The following CIMAP3 variants were observed in gnomAD, a reference collection of about 807,000 sequenced individuals.
CIMAP3 encodes ciliary microtubule associated protein 3, also known as ciliary microtubule-associated protein 3.
the CIMAP3 span, chr1:111,348,281 T>A: frequency 3.1e-6 from 1 of 327,718 alleles, no homozygotes; most frequent in African/African-American, 2.1e-5. Context: ...CTTGGTTCTC[T>A]ACCCATCCTA....
the CIMAP3 span, among the ~76,000 whole-genome samples, chr1:111,336,581 T>C: frequency 1.3e-5 from 2 of 152,122 alleles, no homozygotes; most frequent in African/African-American, 2.4e-5. Flanking sequence ...TGCAATCAAC[T>C]AGAAGAAAGG....
At chr1:111,345,828 C>CT in the CIMAP3 span, among the ~76,000 whole-genome samples, 1 of 152,122 alleles carries the variant, frequency 6.6e-6, no homozygotes, top group Admixed American at 6.6e-5. Flanking sequence ...ACACTCTGAT[C>CT]TTTTTTTCTT....
the CIMAP3 span, among the ~76,000 whole-genome samples, chr1:111,350,622 G>A: frequency 5.3e-5 from 8 of 152,274 alleles, no homozygotes; most frequent in African/African-American, 1.7e-4. Context: ...TCACTGAGGA[G>A]CCATAGAGAA....
the CIMAP3 span, chr1:111,346,562 C>A: frequency 2.5e-6 from 4 of 1,598,046 alleles, no homozygotes; most frequent in Middle Eastern, 1.9e-4. Context: ...GGGCCCTCTC[C>A]CCCTCCCCGC....
chr1:111,326,680 G>A, the CIMAP3 span, among the ~76,000 whole-genome samples: 1 of 152,000 alleles, frequency 6.6e-6, no homozygotes, highest in Non-Finnish European at 1.5e-5. Flanking sequence ...GTTTTCCATA[G>A]TAGTTATAAT....
the CIMAP3 span, among the ~76,000 whole-genome samples, chr1:111,331,383 CTAATTCT>C: frequency 6.6e-6 from 1 of 152,100 alleles, no homozygotes; most frequent in Non-Finnish European, 1.5e-5. Context: ...TTCATTCTTT[CTAATTCT>C]TTCTTCTTTT....
At chr1:111,340,266 T>C in the CIMAP3 span, among the ~76,000 whole-genome samples, 1 of 151,624 alleles carries the variant, frequency 6.6e-6, no homozygotes, top group Admixed American at 6.6e-5. Flanking sequence ...GAAGAAAACC[T>C]AGGCATTACC....
chr1:111,332,334 A>G, the CIMAP3 span, among the ~76,000 whole-genome samples: 55 of 152,266 alleles, frequency 3.6e-4, no homozygotes, highest in Admixed American at 7.2e-4. Flanking sequence ...CCCTAAGGCC[A>G]TGTTTGTCAT....
At chr1:111,333,818 G>C in the CIMAP3 span, among the ~76,000 whole-genome samples, 1 of 152,130 alleles carries the variant, frequency 6.6e-6, no homozygotes, top group Non-Finnish European at 1.5e-5. Flanking sequence ...CTTCTTTTGG[G>C]GAGTGTCAGA....
At chr1:111,350,531 T>G in the CIMAP3 span, among the ~76,000 whole-genome samples, 16 of 152,322 alleles carry the variant, frequency 1.1e-4, no homozygotes, top group East Asian at 2.7e-3. Flanking sequence ...ATTAAGTGAT[T>G]TGTGCAGGTT....
the CIMAP3 span, chr1:111,347,001 C>T: frequency 3.1e-6 from 5 of 1,614,002 alleles, no homozygotes; most frequent in Non-Finnish European, 4.2e-6. Flanking sequence ...ACAAGTTTGT[C>T]CCTCTTAGGG....
At chr1:111,351,307 C>G in the CIMAP3 span, 3 of 1,583,590 alleles carry the variant, frequency 1.9e-6, no homozygotes, top group Admixed American at 4.0e-5. Context: ...TGTGGCCTAC[C>G]TAAGCCTGTA....
the CIMAP3 span, among the ~76,000 whole-genome samples, chr1:111,336,830 T>C: frequency 2.6e-5 from 4 of 151,938 alleles, no homozygotes; most frequent in Non-Finnish European, 5.9e-5. Flanking sequence ...ACATTCAGAT[T>C]CAGGAAATAC....
chr1:111,333,618 G>A, the CIMAP3 span, among the ~76,000 whole-genome samples: 2 of 152,140 alleles, frequency 1.3e-5, no homozygotes, highest in Non-Finnish European at 2.9e-5. Flanking sequence ...CCCACAATAG[G>A]AAGTCCCTCC....
At chr1:111,326,490 A>G in the CIMAP3 span, among the ~76,000 whole-genome samples, 1 of 152,092 alleles carries the variant, frequency 6.6e-6, no homozygotes, top group Admixed American at 6.6e-5. Flanking sequence ...CTCTTTTTTT[A>G]TAACCAAATA....
chr1:111,347,632 T>TTTTTTTGTG, the CIMAP3 span: 2 of 1,199,734 alleles, frequency 1.7e-6, no homozygotes, highest in Non-Finnish European at 2.4e-6. Context: ...CTTTTTTTTT[T>TTTTTTTGTG]TTTTTGGTGT....
chr1:111,341,895 G>GAA, the CIMAP3 span, among the ~76,000 whole-genome samples: 4 of 150,726 alleles, frequency 2.7e-5, no homozygotes, highest in Non-Finnish European at 3.0e-5. Flanking sequence ...ATGTTTTAAT[G>GAA]AAAAAAAAAG....
At chr1:111,350,990 T>C in the CIMAP3 span, among the ~76,000 whole-genome samples, 1 of 152,216 alleles carries the variant, frequency 6.6e-6, no homozygotes. Flanking sequence ...GAATTAAACA[T>C]ATAGTCCTTG....
chr1:111,333,758 T>G, the CIMAP3 span, among the ~76,000 whole-genome samples: 1 of 152,196 alleles, frequency 6.6e-6, no homozygotes, highest in Non-Finnish European at 1.5e-5. Flanking sequence ...TAGCACTCTG[T>G]CTGATACTCT....
Sources: allele counts gnomAD v4.1 joint callset (sites outside exome capture counted in the v4.1 genomes callset), GRCh38; gene constraint gnomAD v4.1.1; transcripts MANE v1.5; gene names NCBI Gene and HGNC (gene_info 2026-07-23, HGNC 2026-07-21).